The following DHRS9 variants were observed in gnomAD, a reference collection of about 807,000 sequenced individuals.
DHRS9 encodes dehydrogenase/reductase 9.
A neutral mutation model predicts 26.6 loss-of-function variants in DHRS9; 18 were observed. The observed-to-expected ratio is 0.68, with a 90% CI of 0.47 to 1.00. DHRS9 has a LOEUF of 1.00. Among genes scored for constraint, DHRS9 ranks in the 50% least tolerant of loss-of-function variants. The pLI, the probability that DHRS9 is intolerant of heterozygous loss-of-function variation, is 0.00. For synonymous variants in DHRS9, 134 were observed against 141.1 expected (o/e 0.95, Z 0.36); for missense variants, 425 against 378.7 (o/e 1.12, Z -1.01).
intron 2 of DHRS9, among the ~76,000 whole-genome samples, chr2:169,082,802 G>T (rs1234559133): frequency 1.4e-5 from 2 of 144,500 alleles, no homozygotes; most frequent in African/African-American, 5.2e-5. Flanking sequence ...AGATCAATTT[G>T]TTCTCACTCA....
intron 4 of DHRS9, among the ~76,000 whole-genome samples, chr2:169,095,133 T>G (rs1187396412): frequency 6.6e-6 from 1 of 152,188 alleles, no homozygotes; most frequent in Admixed American, 6.5e-5. Flanking sequence ...CTTAGGGGCC[T>G]CATGGGCTTT....
chr2:169,095,428 T>G, intron 4 of DHRS9, 116 bp from the exon 5 acceptor site: 1 of 817,160 alleles, frequency 1.2e-6, no homozygotes, highest in South Asian at 1.6e-5. Context: ...TGAGCCTCAA[T>G]TATAATGGAC....
intron 1 of DHRS9, among the ~76,000 whole-genome samples, chr2:169,073,764 A>T (rs756709021): frequency 6.6e-6 from 1 of 152,172 alleles, no homozygotes; most frequent in Non-Finnish European, 1.5e-5. Flanking sequence ...CAACTTTTCC[A>T]TGAGGCCATT....
intron 1 of DHRS9, among the ~76,000 whole-genome samples, chr2:169,080,405 C>T (rs770717722): frequency 6.6e-5 from 10 of 152,238 alleles, no homozygotes; most frequent in Non-Finnish European, 1.2e-4. Context: ...TTCTCTTGGG[C>T]TGCCCCATCA....
intron 3 of DHRS9, among the ~76,000 whole-genome samples, chr2:169,089,820 T>C (rs1684464319): frequency 6.6e-6 from 1 of 152,188 alleles, no homozygotes; most frequent in South Asian, 2.1e-4. Flanking sequence ...TAAGTGGATC[T>C]GGAGAGGAGC....
chr2:169,080,590 T>G (rs1394887392), intron 1 of DHRS9, among the ~76,000 whole-genome samples: 1 of 152,248 alleles, frequency 6.6e-6, no homozygotes, highest in African/African-American at 2.4e-5. Flanking sequence ...GAAACGCAGA[T>G]GCAGGCTTCT....
intron 1 of DHRS9, among the ~76,000 whole-genome samples, chr2:169,076,370 C>T (rs1683962479): frequency 6.6e-6 from 1 of 152,196 alleles, no homozygotes; most frequent in Non-Finnish European, 1.5e-5. Context: ...TTATTTTGTA[C>T]ATTCGCCTCC....
intron 1 of DHRS9, chr2:169,070,151 G>T: frequency 4.1e-6 from 4 of 985,338 alleles, no homozygotes; most frequent in Non-Finnish European, 4.8e-6. Flanking sequence ...TTGTCTGTCC[G>T]CTTTATCAAT....
intron 3 of DHRS9, among the ~76,000 whole-genome samples, chr2:169,089,916 C>A (rs766013035): frequency 2.0e-5 from 3 of 152,128 alleles, no homozygotes; most frequent in Non-Finnish European, 4.4e-5. Flanking sequence ...AAAAAAACCT[C>A]CATTGGTCTC....
At chr2:169,081,016 A>G in intron 1 of DHRS9, 1 of 410,510 alleles carries the variant, frequency 2.4e-6, no homozygotes, top group Non-Finnish European at 3.3e-6. Context: ...GGAATATCTT[A>G]GTGGCAACAA....
In DHRS9 at chr2:169,083,801, A is replaced by G. The variant is rs570399165; in HGVS notation, c.572+214A>G. ...GTAATTACATCAAGGTAAGTGGAGT[A>G]TCCATCACCTCAAGCATTTATCCTT... On this transcript the variant is annotated intron_variant, in intron 3 of 4. Transcript: ENST00000674881. Among the ~76,000 whole-genome samples, 24 of 152,344 alleles carry G rather than the reference A, an allele frequency of 1.6e-4. No homozygotes were observed. In the Middle Eastern group the frequency reaches 0.01, roughly 65 times the overall value.
chr2:169,077,910 T>C (rs1477239743), intron 1 of DHRS9, among the ~76,000 whole-genome samples: 1 of 152,238 alleles, frequency 6.6e-6, no homozygotes, highest in Non-Finnish European at 1.5e-5. Flanking sequence ...GAGATGACTC[T>C]GTAGCCACAA....
At position 169,083,556 on chromosome 2, in the gene DHRS9, T is replaced by A. The variant is rs189318876; in HGVS notation, c.541T>A (p.Tyr181Asn). Reference sequence around the variant, plus strand: ...TGGAGGGGGCTATACTCCATCCAAATATGCAGTGGAAGGTTTCAATGACAG... The same window carrying A: ...TGGAGGGGGCTATACTCCATCCAAAAATGCAGTGGAAGGTTTCAATGACAG... ...IVGGGYTPSK[Y>N]AVEGFNDSLR... The change falls in exon 3 of 5, where the codon TAT becomes AAT. Residue 181 changes from tyrosine to asparagine, a missense_variant. Physicochemically the swap from Tyr to Asn is moderately radical, Grantham distance 143. Transcript: ENST00000674881. The A allele has an allele frequency of 6.2e-7, 1 of 1,614,048 alleles. No homozygotes were observed. The highest frequency in any genetic ancestry group is 2.2e-5 in the East Asian group (1 of 44,868).
Position 169,095,890 on chromosome 2 carries a change from A to G in DHRS9, c.*123A>G. The G allele has an allele frequency of 1.1e-6, 1 of 906,096 alleles. No homozygotes were observed. The highest frequency in any genetic ancestry group is 2.4e-5 in the Admixed American group (1 of 40,968). The allele number at this position is 906,096 out of a possible 1,614,324, so 56.1% of individuals were successfully genotyped here. Reference sequence around the variant, plus strand: ...ACTCATTTAGATCGTGCTTATTTGGATTGCAAAAGGGAGTCCCACCATCGC... The same window carrying G: ...ACTCATTTAGATCGTGCTTATTTGGGTTGCAAAAGGGAGTCCCACCATCGC... On this transcript the variant is annotated 3_prime_UTR_variant, in exon 5 of 5. Coordinates refer to ENST00000674881, the MANE Select transcript of DHRS9 (RefSeq NM_001376924.1).
Position 169,096,146 on chromosome 2 carries a change from A to G in DHRS9, c.*379A>G, listed in dbSNP as rs528916291. 4 of 224,492 alleles carry G rather than the reference A, an allele frequency of 1.8e-5. No homozygotes were observed. The East Asian group carries it at 4.5e-4, about 25-fold the overall frequency. 13.9% of individuals were successfully genotyped at this position (224,492 alleles called of 1,614,324 possible). ...GTTAAGTATCATCTCTTATCTAAAT[A>G]TTAAAAGATAAGTCAAACATTTTCA... On this transcript the variant is annotated 3_prime_UTR_variant, in exon 5 of 5. Transcript: ENST00000674881.
chr2:169,075,047 T>C (rs528753171), intron 1 of DHRS9, among the ~76,000 whole-genome samples: 2 of 152,308 alleles, frequency 1.3e-5, no homozygotes, highest in East Asian at 3.9e-4. Flanking sequence ...GAGCTTTCGT[T>C]CTTCTTTGGT....
intron 4 of DHRS9, 103 bp downstream of exon 4, chr2:169,092,056 C>A: frequency 2.4e-6 from 3 of 1,236,968 alleles, no homozygotes; most frequent in South Asian, 1.7e-5. Context: ...AGTAATACCC[C>A]AATAAGGATC....
chr2:169,095,419 G>A (rs1258056406), intron 4 of DHRS9, 125 bp from the exon 5 acceptor site: 17 of 763,700 alleles, frequency 2.2e-5, no homozygotes, highest in East Asian at 1.2e-4. Flanking sequence ...TCCTCAAAAT[G>A]AGCCTCAATT....
At chr2:169,068,728 A>T (rs543803639), upstream of DHRS9, among the ~76,000 whole-genome samples, 142 of 152,340 alleles carry the variant, frequency 9.3e-4, no homozygotes, top group African/African-American at 3.3e-3. Flanking sequence ...TTTTCAAAGG[A>T]GGAATACAGA....
Sources: gnomAD v4.1 joint callset for allele counts (sites outside exome capture counted in the v4.1 genomes callset) on GRCh38, gnomAD v4.1.1 for gene constraint, MANE v1.5 for transcripts, NCBI Gene and HGNC (gene_info 2026-07-23, HGNC 2026-07-21) for gene names.